The following LMF1 variants were observed in gnomAD, a reference collection of about 807,000 sequenced individuals.
LMF1 encodes transmembrane protein 112.
A neutral mutation model predicts 60.6 loss-of-function variants in LMF1; 68 were observed. That is an observed-to-expected ratio of 1.12 (90% confidence interval 0.92 to 1.37). The LOEUF (loss-of-function observed/expected upper bound fraction) is 1.37. Ranked by LOEUF, LMF1 falls within the 40% of genes most tolerant of loss-of-function variation. LMF1 has a pLI of 0.00. For missense variants in LMF1, 948 were observed against 767.2 expected (o/e 1.24, Z -2.78); for synonymous variants, 418 against 324.7 (o/e 1.29, Z -3.09).
chr16:876,286 T>TA (rs976477280), intron 6 of LMF1, among the ~76,000 whole-genome samples: 16 of 152,170 alleles, frequency 1.1e-4, no homozygotes, highest in Non-Finnish European at 2.1e-4. Flanking sequence ...TGCTTCCCAC[T>TA]CTAGGATGTC....
chr16:940,005 G>A (rs1315833131), intron 2 of LMF1, among the ~76,000 whole-genome samples: 2 of 152,100 alleles, frequency 1.3e-5, no homozygotes, highest in South Asian at 2.1e-4. Context: ...GATCACAGAC[G>A]TCCTCATCAG....
At chr16:960,299 A>G (rs11866079) in intron 1 of LMF1, among the ~76,000 whole-genome samples, 5,756 of 142,332 alleles carry the variant, frequency 0.04, 333 homozygotes, top group African/African-American at 0.1. Flanking sequence ...AAAGACTCAC[A>G]GTGACAACAC....
chr16:942,055 T>G (rs2072113043), intron 2 of LMF1, among the ~76,000 whole-genome samples: 1 of 152,268 alleles, frequency 6.6e-6, no homozygotes, highest in Non-Finnish European at 1.5e-5. Context: ...CAATAATTCC[T>G]TCAGCCTGAA....
In LMF1 at chr16:922,843, A is replaced by G. The variant is rs111406205; in HGVS notation, c.514+11401T>C. ...TGTTGTTGCGAAGGCCCTGTGTGAA[A>G]GTCGCCTCGGTTTTCGGGTGTGATG... On this transcript the variant is annotated intron_variant, in intron 3 of 10. Coordinates refer to ENST00000262301, the MANE Select transcript of LMF1 (RefSeq NM_022773.4). 4.2e-3 allele frequency among the ~76,000 whole-genome samples: 404 copies of G among 97,312 alleles called. 1 individual carries two copies. Among genetic ancestry groups the G allele is most frequent in the Non-Finnish European group, 5.2e-3 (252 of 48,376 alleles). 63.8% of individuals were successfully genotyped at this position (97,312 alleles called of 152,430 possible).
At chr16:979,854 C>G in intron 1 of LMF1, 2 of 436,244 alleles carry the variant, frequency 4.6e-6, no homozygotes, top group East Asian at 1.4e-4. Context: ...TGCCTGCCTG[C>G]ATCCCAGGCC....
chr16:971,039 C>CCCT (rs1266962818), upstream of LMF1: 11 of 821,246 alleles, frequency 1.3e-5, no homozygotes, highest in African/African-American at 3.2e-4. Context: ...CGCCCATTCT[C>CCCT]GGAGGCCCCG....
At chr16:875,027 G>A (rs554750962) in intron 6 of LMF1, among the ~76,000 whole-genome samples, 1 of 152,184 alleles carries the variant, frequency 6.6e-6, no homozygotes, top group Admixed American at 6.5e-5. Context: ...GTCTTCCAAG[G>A]GGGGACGCCA....
At chr16:893,320 T>TG in intron 4 of LMF1, 1 of 606,364 alleles carries the variant, frequency 1.6e-6, no homozygotes, top group Non-Finnish European at 3.1e-6. Context: ...TGGCTTCCTT[T>TG]GCGCCTTCCC....
intron 2 of LMF1, among the ~76,000 whole-genome samples, chr16:944,358 T>C (rs911677026): frequency 6.6e-6 from 1 of 152,242 alleles, no homozygotes; most frequent in Non-Finnish European, 1.5e-5. Flanking sequence ...GTGGAATCCA[T>C]GTAGCTTTCT....
rs1476271631 is a variant in LMF1, at chr16:874,564, C to T, written c.898-3223G>A. ...CTTGTGCACCTCTCCAGGCAGGCAG[C>T]GGCCCCAGGGCCCCGCGGAACCCTC... On this transcript the variant is annotated intron_variant, in intron 6 of 10. Coordinates refer to ENST00000262301, the MANE Select transcript of LMF1 (RefSeq NM_022773.4). This position sits in a 1 kb window ranked among gnomAD's most constrained non-coding sequence, Gnocchi z 4.1. Among the ~76,000 whole-genome samples the T allele has an allele frequency of 3.9e-5, 6 of 152,174 alleles. No homozygotes were observed. The highest frequency in any genetic ancestry group is 1.9e-4 in the East Asian group (1 of 5,190).
chr16:869,835 G>T (rs779878256), intron 9 of LMF1, 48 bp downstream of exon 9: 21 of 1,573,476 alleles, frequency 1.3e-5, no homozygotes, highest in Non-Finnish European at 1.5e-5. Flanking sequence ...GGGCAGAAGA[G>T]GGTGGGGTAC....
intron 3 of LMF1, among the ~76,000 whole-genome samples, chr16:913,558 A>G (rs951908108): frequency 3.9e-5 from 6 of 152,226 alleles, no homozygotes; most frequent in African/African-American, 1.4e-4. Context: ...CCCAGCACCC[A>G]GGCACAGCTG....
At chr16:980,751 G>C (rs1397161168) in intron 1 of LMF1, 5 of 152,128 alleles carry the variant, frequency 3.3e-5, no homozygotes, top group African/African-American at 1.2e-4. Flanking sequence ...GCCTCGGGGG[G>C]GGCAATGTCC....
chr16:918,626 C>T (rs759318393), intron 3 of LMF1, among the ~76,000 whole-genome samples: 5 of 152,116 alleles, frequency 3.3e-5, no homozygotes, highest in Admixed American at 1.3e-4. Context: ...TCGTGGGCTG[C>T]GGGGACGTTG....
rs1295432414 is a variant in LMF1, at chr16:871,359, C to A, written c.898-18G>T. On this transcript the variant is annotated intron_variant, in intron 6 of 10. Coordinates refer to ENST00000262301, the MANE Select transcript of LMF1 (RefSeq NM_022773.4). ...AGGACGGCCTGTGGAGACGCCGCAG[C>A]TGAGTCTCGTGCAGGGGCTCGTGTG... 5 of 1,610,636 alleles carry A rather than the reference C, an allele frequency of 3.1e-6. No individual in the cohort carries two copies. The highest frequency in any genetic ancestry group is 4.2e-6 in the Non-Finnish European group (5 of 1,179,214).
intron 4 of LMF1, among the ~76,000 whole-genome samples, chr16:895,705 CACGAATGAGAA>C (rs1172635946): frequency 2.6e-5 from 4 of 152,156 alleles, no homozygotes; most frequent in Non-Finnish European, 4.4e-5. Flanking sequence ...CCGAGAGGGA[CACGAATGAGAA>C]ACGGCAGGGG....
At chr16:957,282 G>A (rs1433171232) in intron 1 of LMF1, among the ~76,000 whole-genome samples, 1 of 152,190 alleles carries the variant, frequency 6.6e-6, no homozygotes, top group Non-Finnish European at 1.5e-5. Context: ...CTGGCTTGGG[G>A]TCCATGTCTG....
chr16:879,630 G>A lies in LMF1; in HGVS notation c.837C>T (p.Phe279=), dbSNP rs61745065. The change falls in exon 6 of 11, where the codon TTC becomes TTT. Residue 279 remains phenylalanine (F), a synonymous_variant. Coordinates refer to ENST00000262301, the MANE Select transcript of LMF1 (RefSeq NM_022773.4). ...SNHFIELLVP[F]FLFLGRRACI... ...ACGCCCGCCGGCCGAGGAAGAGGAA[G>A]AAGGGCACCAGGAGCTCGATGAAGT... is the stretch of plus-strand genomic sequence containing the variant. 3.7e-6 allele frequency: 6 copies of A among 1,613,520 alleles called. No individual in the cohort carries two copies. Among genetic ancestry groups the A allele is most frequent in the African/African-American group, 1.3e-5 (1 of 75,032 alleles).
At chr16:860,084 T>TTTTTTTTTTTTTTTTTTTTTTG (rs2069411352) in intron 10 of LMF1, among the ~76,000 whole-genome samples, 3 of 152,180 alleles carry the variant, frequency 2.0e-5, no homozygotes, top group African/African-American at 7.2e-5. Context: ...GCTCATTTTC[T>TTTTTTTTTTTTTTTTTTTTTTG]AATAAGATTA....
Sources: gnomAD v4.1 joint callset for allele counts (sites outside exome capture counted in the v4.1 genomes callset) on GRCh38, gnomAD v4.1.1 for gene constraint, Gnocchi (gnomAD v3.1) non-coding constraint, MANE v1.5 for transcripts, NCBI Gene and HGNC (gene_info 2026-07-23, HGNC 2026-07-21) for gene names.